The following OGFOD3 variants were observed in gnomAD, a reference collection of about 807,000 sequenced individuals.
OGFOD3 encodes 2-oxoglutarate and iron-dependent oxygenase domain-containing protein 3.
A neutral mutation model predicts 39.8 loss-of-function variants in OGFOD3; 35 were observed. The ratio of observed to expected loss-of-function variants is 0.88; its 90% confidence interval spans 0.67 to 1.17. The LOEUF (loss-of-function observed/expected upper bound fraction) is 1.17. Among genes scored for constraint, OGFOD3 ranks in the 50% most tolerant of loss-of-function variants. The pLI is 0.00. For synonymous variants in OGFOD3, 200 were observed against 192.0 expected, an observed-to-expected ratio of 1.04 and a Z score of -0.34; for missense variants, 438 against 454.5, an observed-to-expected ratio of 0.96 and a Z score of 0.33.
At position 82,413,165 on chromosome 17, in the gene OGFOD3, C is replaced by T. The variant is rs540055841; in HGVS notation, c.305-1635G>A. On this transcript the variant is annotated intron_variant, in intron 2 of 8. Transcript: ENST00000313056. Reference sequence around the variant, plus strand: ...TTTTTATAAGGTTTACCCCACAAAACGCGAGGACACAGGAAAGCGGAAAGC... The same window carrying T: ...TTTTTATAAGGTTTACCCCACAAAATGCGAGGACACAGGAAAGCGGAAAGC... Among the ~76,000 whole-genome samples, 14 of 152,314 alleles carry T rather than the reference C, an allele frequency of 9.2e-5. No individual in the cohort carries two copies. In the South Asian group the frequency reaches 1.7e-3, roughly 18 times the overall value.
At chr17:82,395,162 G>A (rs2052652243) in intron 8 of OGFOD3, among the ~76,000 whole-genome samples, 1 of 152,164 alleles carries the variant, frequency 6.6e-6, no homozygotes, top group Non-Finnish European at 1.5e-5. Flanking sequence ...CTCCTGAGTA[G>A]CTGGGACTAT....
intron 2 of OGFOD3, among the ~76,000 whole-genome samples, chr17:82,411,968 A>G (rs544275508): frequency 6.6e-6 from 1 of 151,566 alleles, no homozygotes; most frequent in African/African-American, 2.4e-5. Context: ...TCCTGAGGCC[A>G]CCAGAGGGGG....
rs1285167807 is a variant in OGFOD3, at chr17:82,406,557, T to C, written c.424-75A>G. The C allele has an allele frequency of 1.5e-6, 2 of 1,298,468 alleles. No individual in the cohort carries two copies. Among genetic ancestry groups the C allele is most frequent in the Non-Finnish European group, 2.2e-6 (2 of 894,988 alleles). The allele number at this position is 1,298,468 out of a possible 1,614,324, so 80.4% of individuals were successfully genotyped here. A position where few individuals can be genotyped will look rare whatever the true frequency, so the allele number is the denominator to read the frequency against. ...GCTGTTAAAAGTCATGGATGGTAAA[T>C]GCGAGTTTCCAAGGTCTGGCCAGCA... On this transcript the variant is annotated intron_variant, in intron 4 of 8. Transcript: ENST00000313056. The surrounding 1 kb of genome is among the most constrained non-coding windows in gnomAD (Gnocchi z 5.2).
chr17:82,394,491 C>T lies in OGFOD3; in HGVS notation c.824-1957G>A, dbSNP rs779485933. 10 of 1,613,772 alleles carry T rather than the reference C, an allele frequency of 6.2e-6. 1 individual carries two copies. In the South Asian group the frequency reaches 6.6e-5, roughly 11 times the overall value. On this transcript the variant is annotated intron_variant, in intron 8 of 8. Transcript: ENST00000313056. The stretch of plus-strand genomic sequence containing the variant: ...TCGCACCAGCAGCTTCACTGGCTCT[C>T]GGTCCATTAACTTCTTGGAACCCAC...
Position 82,418,439 on chromosome 17 carries a change from C to A in OGFOD3, c.47G>T (p.Gly16Val). 6.8e-7 allele frequency: 1 copy of A among 1,478,378 alleles called. No individual in the cohort carries two copies. The allele number at this position is 1,478,378 out of a possible 1,614,324, so 91.6% of individuals were successfully genotyped here. A position where few individuals can be genotyped will look rare whatever the true frequency, so the allele number is the denominator to read the frequency against. ...GCTCCGGTTCCGGCGCTCGGCCGCTCCGTTGCCCTCGGGCGCCTTGGTTGC... is the reference window on the plus strand; with the variant it reads ...GCTCCGGTTCCGGCGCTCGGCCGCTACGTTGCCCTCGGGCGCCTTGGTTGC... Reference protein sequence around the residue: ...RAATKAPEGNGAAERRNRSST... With the variant: ...RAATKAPEGNVAAERRNRSST... The change falls in exon 1 of 9, where the codon GGA becomes GTA. Residue 16 changes from glycine to valine, a missense_variant. Transcript: ENST00000313056.
At chr17:82,408,394 G>A (rs1269353188) in intron 4 of OGFOD3, among the ~76,000 whole-genome samples, 1 of 152,186 alleles carries the variant, frequency 6.6e-6, no homozygotes, top group Non-Finnish European at 1.5e-5. Context: ...ACAACCCTGA[G>A]GAAACCGCAT....
At chr17:82,394,463 C>G in intron 8 of OGFOD3, 3 of 1,614,020 alleles carry the variant, frequency 1.9e-6, no homozygotes, top group Non-Finnish European at 1.7e-6. Context: ...CTGACTCCAG[C>G]CTTCGCACCA....
Position 82,398,310 on chromosome 17 carries a change from C to T in OGFOD3, c.709G>A (p.Gly237Ser), listed in dbSNP as rs1303122247. 5.0e-6 allele frequency: 8 copies of T among 1,613,896 alleles called. No individual in the cohort carries two copies. The highest frequency in any genetic ancestry group is 3.3e-5 in the Admixed American group (2 of 59,990). The change falls in exon 8 of 9, where the codon GGC becomes AGC. Residue 237 changes from glycine to serine, a missense_variant. Transcript: ENST00000313056. ...WHAHVDKVTY[G>S]SFDYTSLLYL... The stretch of plus-strand genomic sequence containing the variant: ...AGCAGCGAGGTGTAGTCGAAGGAGC[C>T]GTAGGTCACCTGAGGGCAGAGCCGG...
chr17:82,411,979 G>GA (rs1423107440), intron 2 of OGFOD3, among the ~76,000 whole-genome samples: 2 of 150,366 alleles, frequency 1.3e-5, no homozygotes, highest in Non-Finnish European at 3.0e-5. Context: ...CCAGAGGGGG[G>GA]AACCCTCCTG....
chr17:82,399,727 G>A lies in OGFOD3; in HGVS notation c.700-1408C>T, dbSNP rs544329390. 2.6e-4 allele frequency among the ~76,000 whole-genome samples: 40 copies of A among 152,300 alleles called. 1 individual carries two copies. In the South Asian group the frequency reaches 7.7e-3, roughly 29 times the overall value. ...GGGATCAGGCAGGATCTGTCCCTCC[G>A]TGACTGGCTTACTTCACTCAGGGGT... On this transcript the variant is annotated intron_variant, in intron 7 of 8. Coordinates refer to ENST00000313056, the MANE Select transcript of OGFOD3 (RefSeq NM_024648.3).
At chr17:82,403,803 G>C (rs542257576) in intron 7 of OGFOD3, 134 bp downstream of exon 7, 1 of 1,199,716 alleles carries the variant, frequency 8.3e-7, no homozygotes, top group East Asian at 2.6e-5. Flanking sequence ...GCCCACGTAC[G>C]CACTCACCCT....
intron 2 of OGFOD3, among the ~76,000 whole-genome samples, chr17:82,411,954 A>C (rs1599702825): frequency 6.6e-6 from 1 of 151,426 alleles, no homozygotes; most frequent in Non-Finnish European, 1.5e-5. Context: ...AGGGAGGAAA[A>C]CCCTCCTGAG....
rs755583324 is a variant in OGFOD3, at chr17:82,404,129, G to A, written c.546-39C>T. Reference sequence around the variant, plus strand: ...AATAGCCGTCAGCGCAGCCCCAGGCGGGAGGGGACGCTCGTGGGTCCCAAC... The same window carrying A: ...AATAGCCGTCAGCGCAGCCCCAGGCAGGAGGGGACGCTCGTGGGTCCCAAC... On this transcript the variant is annotated intron_variant, in intron 6 of 8. Coordinates refer to ENST00000313056, the MANE Select transcript of OGFOD3 (RefSeq NM_024648.3). This position sits in a 1 kb window ranked among gnomAD's most constrained non-coding sequence, Gnocchi z 4.5. 117 of 1,526,182 alleles carry A rather than the reference G, an allele frequency of 7.7e-5. 2 individuals are homozygous for A. Among genetic ancestry groups the A allele is most frequent in the African/African-American group, 2.9e-4 (21 of 73,526 alleles). The allele number at this position is 1,526,182 out of a possible 1,614,324, so 94.5% of individuals were successfully genotyped here. A position where few individuals can be genotyped will look rare whatever the true frequency, so the allele number is the denominator to read the frequency against.
At chr17:82,395,681 C>T (rs1196477598) in intron 8 of OGFOD3, among the ~76,000 whole-genome samples, 4 of 152,140 alleles carry the variant, frequency 2.6e-5, no homozygotes, top group South Asian at 4.1e-4. Context: ...ATTAGCCGGG[C>T]GTGGTGGTAG....
chr17:82,413,282 G>A (rs2052981635), intron 2 of OGFOD3, among the ~76,000 whole-genome samples: 1 of 152,140 alleles, frequency 6.6e-6, no homozygotes, highest in Non-Finnish European at 1.5e-5. Flanking sequence ...GGTCCCCCGC[G>A]GCACAGGAGC....
At chr17:82,416,937 G>C (rs1005426753) in intron 1 of OGFOD3, among the ~76,000 whole-genome samples, 1 of 152,020 alleles carries the variant, frequency 6.6e-6, no homozygotes, top group African/African-American at 2.4e-5. Context: ...AGCCTCCCAA[G>C]GTGCTGCAAT....
chr17:82,409,907 A>AAGAGAG (rs71908507), intron 3 of OGFOD3, among the ~76,000 whole-genome samples: 2 of 150,328 alleles, frequency 1.3e-5, no homozygotes, highest in African/African-American at 4.9e-5. Flanking sequence ...AAGAAAGAAA[A>AAGAGAG]AGAGAGAGAG....
At chr17:82,409,223 C>T in intron 4 of OGFOD3, 145 bp downstream of exon 4, 1 of 745,390 alleles carries the variant, frequency 1.3e-6, no homozygotes, top group Non-Finnish European at 2.3e-6. Flanking sequence ...GCTGCTGCGG[C>T]TGGTGCTGAG....
At chr17:82,399,953 C>A (rs2052735827) in intron 7 of OGFOD3, among the ~76,000 whole-genome samples, 1 of 152,220 alleles carries the variant, frequency 6.6e-6, no homozygotes, top group South Asian at 2.1e-4. Flanking sequence ...AACTGGACAC[C>A]CACTGTGCGG....
Sources: allele counts gnomAD v4.1 joint callset (sites outside exome capture counted in the v4.1 genomes callset), GRCh38; gene constraint gnomAD v4.1.1; non-coding constraint Gnocchi (gnomAD v3.1); transcripts MANE v1.5; gene names NCBI Gene and HGNC (gene_info 2026-07-23, HGNC 2026-07-21).